Variants in NRG1 observed in about 807,000 individuals in gnomAD.
NRG1 encodes pro-neuregulin-1, membrane-bound isoform.
NRG1 carries 18 observed loss-of-function variants against 63.8 expected under a neutral mutation model. The observed-to-expected ratio is 0.28, with a 90% confidence interval of 0.19 to 0.42. The LOEUF (loss-of-function observed/expected upper bound fraction) is 0.42, where lower values mean the gene tolerates loss of function less well. Among genes scored for constraint, NRG1 ranks in the 10% least tolerant of loss-of-function variants. The pLI is 1.00. For synonymous variants in NRG1, 302 were observed against 301.3 expected, an observed-to-expected ratio of 1.00 and a Z score of -0.02; for missense variants, 762 against 814.7, an observed-to-expected ratio of 0.94 and a Z score of 0.79.
chr8:31,933,073 A>AT (rs1007141902), intron 1 of NRG1, among the ~76,000 whole-genome samples: 4 of 152,196 alleles, frequency 2.6e-5, no homozygotes, highest in African/African-American at 9.7e-5. Context: ...TTAAATTTAG[A>AT]TTTTAGCTAG....
chr8:32,314,257 G>T (rs996957593), intron 1 of NRG1, among the ~76,000 whole-genome samples: 4 of 152,148 alleles, frequency 2.6e-5, no homozygotes, highest in African/African-American at 9.7e-5. Context: ...CTTGGAGCAG[G>T]AGTCAAATGG....
Position 32,288,738 on chromosome 8 carries a change from G to A in NRG1, c.38-307090G>A, listed in dbSNP as rs556069720. 5.9e-5 allele frequency among the ~76,000 whole-genome samples: 9 copies of A among 152,284 alleles called. No individual in the cohort carries two copies. The South Asian group carries it at 1.5e-3, about 25-fold the overall frequency. On this transcript the variant is annotated intron_variant, in intron 1 of 10. Transcript: ENST00000519301. Reference sequence around the variant, plus strand: ...TTTCCTTTTGCATCGTCAGCGTGAGGAAGGGGAGGGGGAGGTAAGATTCTG... The same window carrying A: ...TTTCCTTTTGCATCGTCAGCGTGAGAAAGGGGAGGGGGAGGTAAGATTCTG...
chr8:32,353,960 A>G (rs1805992190), intron 1 of NRG1, among the ~76,000 whole-genome samples: 2 of 152,260 alleles, frequency 1.3e-5, no homozygotes, highest in Non-Finnish European at 2.9e-5. Context: ...ATTGCGGCAT[A>G]TACAGTGTAG....
At chr8:32,419,607 G>C (rs1287519160) in intron 1 of NRG1, among the ~76,000 whole-genome samples, 1 of 152,132 alleles carries the variant, frequency 6.6e-6, no homozygotes, top group Non-Finnish European at 1.5e-5. Context: ...CAAGTTTATA[G>C]TTCTTTCAAA....
At chr8:32,279,086 C>T (rs916705358) in intron 1 of NRG1, among the ~76,000 whole-genome samples, 3 of 152,170 alleles carry the variant, frequency 2.0e-5, no homozygotes, top group African/African-American at 7.2e-5. Flanking sequence ...TCTCCCTATA[C>T]GCAGCCAGCA....
chr8:32,207,073 C>G (rs1433580828), intron 1 of NRG1, among the ~76,000 whole-genome samples: 3 of 152,030 alleles, frequency 2.0e-5, no homozygotes, highest in Admixed American at 2.0e-4. Flanking sequence ...TACTGTGTTC[C>G]TTTTATTTAC....
At chr8:32,421,948 G>T (rs541273460) in intron 1 of NRG1, among the ~76,000 whole-genome samples, 2 of 152,138 alleles carry the variant, frequency 1.3e-5, no homozygotes, top group Non-Finnish European at 2.9e-5. Flanking sequence ...GTACAGACAG[G>T]CATAACAGAA....
intron 1 of NRG1, among the ~76,000 whole-genome samples, chr8:31,690,115 T>C (rs556755396): frequency 2.0e-5 from 3 of 152,310 alleles, no homozygotes; most frequent in Admixed American, 2.0e-4. Flanking sequence ...AAGGGGCTTT[T>C]CCTCCTTTTA....
intron 1 of NRG1, among the ~76,000 whole-genome samples, chr8:32,572,853 A>G (rs2439304): frequency 0.53 from 79,842 of 151,428 alleles, 21,302 homozygotes; most frequent in East Asian, 0.83. Context: ...AAAGAAGGAA[A>G]TCATCATCAA....
At chr8:32,444,713 G>A (rs377141459) in intron 1 of NRG1, among the ~76,000 whole-genome samples, 1 of 152,108 alleles carries the variant, frequency 6.6e-6, no homozygotes, top group East Asian at 1.9e-4. Flanking sequence ...ATTCTTTCCT[G>A]GGAAGTCTCA....
intron 1 of NRG1, among the ~76,000 whole-genome samples, chr8:31,708,807 C>A (rs2131238127): frequency 6.6e-6 from 1 of 152,264 alleles, no homozygotes; most frequent in Non-Finnish European, 1.5e-5. Flanking sequence ...CCCTTTATTA[C>A]CATGACTCCA....
intron 1 of NRG1, among the ~76,000 whole-genome samples, chr8:32,159,540 C>CAAAA (rs10684266): frequency 4.1e-5 from 3 of 73,720 alleles, no homozygotes; most frequent in African/African-American, 1.2e-4. Context: ...GACTCCGTCT[C>CAAAA]AAAAAAAAAA....
At chr8:31,995,184 T>C (rs1175067799) in intron 1 of NRG1, among the ~76,000 whole-genome samples, 2 of 151,968 alleles carry the variant, frequency 1.3e-5, no homozygotes, top group South Asian at 2.1e-4. Context: ...TAGAGGTCAA[T>C]ATAAGAAATA....
At chr8:32,762,652 A>G (rs1830936586) in intron 11 of NRG1, among the ~76,000 whole-genome samples, 1 of 152,198 alleles carries the variant, frequency 6.6e-6, no homozygotes, top group Non-Finnish European at 1.5e-5. Flanking sequence ...AAGAGTTCAG[A>G]TGATGGCATT....
chr8:32,631,777 G>C (rs574301398), intron 5 of NRG1, among the ~76,000 whole-genome samples: 1 of 152,198 alleles, frequency 6.6e-6, no homozygotes, highest in South Asian at 2.1e-4. Context: ...GGAAAGTTCT[G>C]GTGAGGTTAA....
chr8:32,283,852 A>C (rs1249696465), intron 1 of NRG1, among the ~76,000 whole-genome samples: 3 of 152,132 alleles, frequency 2.0e-5, no homozygotes, highest in Non-Finnish European at 4.4e-5. Context: ...TCTGTTGATG[A>C]TGCATCCACC....
chr8:32,412,797 G>C (rs539309714), intron 1 of NRG1, among the ~76,000 whole-genome samples: 1 of 152,064 alleles, frequency 6.6e-6, no homozygotes, highest in African/African-American at 2.4e-5. Flanking sequence ...TAAAAATATG[G>C]TATTATAATC....
chr8:32,176,181 A>G (rs1429235707), intron 1 of NRG1, among the ~76,000 whole-genome samples: 1 of 152,234 alleles, frequency 6.6e-6, no homozygotes, highest in Non-Finnish European at 1.5e-5. Flanking sequence ...CTGCATATCT[A>G]CAACCATCTG....
chr8:31,713,596 C>T (rs1248909279), intron 1 of NRG1, among the ~76,000 whole-genome samples: 1 of 152,142 alleles, frequency 6.6e-6, no homozygotes, highest in Non-Finnish European at 1.5e-5. Flanking sequence ...TTGCTTCTAT[C>T]AGACCTTTGC....
Sources: gnomAD v4.1 joint callset for allele counts (sites outside exome capture counted in the v4.1 genomes callset) on GRCh38, gnomAD v4.1.1 for gene constraint, MANE v1.5 for transcripts, NCBI Gene and HGNC (gene_info 2026-07-23, HGNC 2026-07-21) for gene names.